Variants in FGF14 observed in about 807,000 individuals in gnomAD.
FGF14 encodes fibroblast growth factor 14.
A neutral mutation model predicts 25.5 loss-of-function variants in FGF14; 5 were observed. The ratio of observed to expected loss-of-function variants is 0.20; its 90% CI spans 0.10 to 0.41. FGF14 has a LOEUF of 0.41. FGF14 is among the 10% of genes least tolerant of loss of function. The pLI, the probability that FGF14 is intolerant of heterozygous loss-of-function variation, is 1.00. For missense variants in FGF14, 222 were observed against 320.1 expected, an observed-to-expected ratio of 0.69 and a Z score of 2.34; for synonymous variants, 138 against 118.3, an observed-to-expected ratio of 1.17 and a Z score of -1.08.
rs1296514573 is a variant in FGF14, at chr13:101,718,218, TTGTGTGTATGTGTGTGTTTG to T, written c.*4593_*4612del. 1 of 152,056 alleles carries T rather than the reference TTGTGTGTATGTGTGTGTTTG, an allele frequency of 6.6e-6. No homozygotes were observed. The highest frequency in any genetic ancestry group is 1.5e-5 in the Non-Finnish European group (1 of 67,980). 9.4% of individuals were successfully genotyped at this position (152,056 alleles called of 1,614,324 possible). ...TTTTACTTATTTCTGTCCACTATGTTTGTGTGTATGTGTGTGTTTGTGTGTGTATGTGTGGTTTTGATGCC... is the reference window on the plus strand; with the variant it reads ...TTTTACTTATTTCTGTCCACTATGTTTGTGTGTATGTGTGGTTTTGATGCC... On this transcript the variant is annotated 3_prime_UTR_variant, in exon 5 of 5. Transcript: ENST00000376143.
chr13:101,802,126 G>A (rs967477634), intron 3 of FGF14: 16 of 242,648 alleles, frequency 6.6e-5, no homozygotes, highest in Admixed American at 4.1e-4. Context: ...AGCTCAGGGA[G>A]GCGAGAAGAT....
intron 1 of FGF14, among the ~76,000 whole-genome samples, chr13:102,144,382 A>G (rs547496150): frequency 2.0e-4 from 31 of 152,296 alleles, no homozygotes; most frequent in African/African-American, 7.0e-4. Context: ...AAAAGAAATA[A>G]ATGGAAGTAC....
intron 1 of FGF14, among the ~76,000 whole-genome samples, chr13:102,121,625 A>T (rs966745793): frequency 3.9e-5 from 6 of 152,206 alleles, no homozygotes; most frequent in Admixed American, 2.6e-4. Context: ...ATGTTTACTT[A>T]TATTAATTTA....
At chr13:102,394,268 G>A (rs986773930) in intron 1 of FGF14, 2 of 152,428 alleles carry the variant, frequency 1.3e-5, no homozygotes, top group African/African-American at 4.8e-5. Flanking sequence ...AGACCGGGAG[G>A]GCCAAGGCAG....
chr13:102,221,623 AAC>A (rs34205303), intron 1 of FGF14, among the ~76,000 whole-genome samples: 48,822 of 149,946 alleles, frequency 0.33, 8,336 homozygotes, highest in African/African-American at 0.44. Flanking sequence ...CAAACACACA[AAC>A]ACACACACAC....
At chr13:102,141,344 T>C (rs2046635499) in intron 1 of FGF14, among the ~76,000 whole-genome samples, 1 of 152,216 alleles carries the variant, frequency 6.6e-6, no homozygotes, top group African/African-American at 2.4e-5. Context: ...GGGCCTTTTC[T>C]ATGAGGGTCA....
intron 1 of FGF14, among the ~76,000 whole-genome samples, chr13:102,081,450 T>C (rs1595203627): frequency 6.6e-6 from 1 of 152,220 alleles, no homozygotes; most frequent in Non-Finnish European, 1.5e-5. Context: ...GCCTTTACTC[T>C]GGTTGTGATG....
chr13:102,334,105 T>C (rs958769084), intron 1 of FGF14, among the ~76,000 whole-genome samples: 2 of 152,170 alleles, frequency 1.3e-5, no homozygotes, highest in Admixed American at 6.5e-5. Flanking sequence ...TTCAGCCCCA[T>C]TAATGAGCCA....
chr13:101,953,249 T>C (rs1262201867), intron 1 of FGF14, among the ~76,000 whole-genome samples: 2 of 152,210 alleles, frequency 1.3e-5, no homozygotes, highest in African/African-American at 4.8e-5. Flanking sequence ...GGTTCATCTG[T>C]GCACCAACGG....
intron 2 of FGF14, 34 bp from the exon 3 acceptor site, chr13:101,868,862 C>G: frequency 7.5e-7 from 1 of 1,325,374 alleles, no homozygotes; most frequent in Non-Finnish European, 1.1e-6. Context: ...CATGAATGGG[C>G]AGGAAGAAGC....
At chr13:102,281,690 C>CT (rs539883822) in intron 1 of FGF14, among the ~76,000 whole-genome samples, 300 of 135,060 alleles carry the variant, frequency 2.2e-3, no homozygotes, top group Middle Eastern at 3.8e-3. Context: ...ATCCTAACTT[C>CT]TTTTTTTTTT....
chr13:101,909,813 T>C (rs1284761760), intron 1 of FGF14, among the ~76,000 whole-genome samples: 1 of 152,154 alleles, frequency 6.6e-6, no homozygotes, highest in Non-Finnish European at 1.5e-5. Flanking sequence ...TGCGGCACTA[T>C]TCACAATAGC....
intron 1 of FGF14, among the ~76,000 whole-genome samples, chr13:102,138,603 G>C (rs2046506505): frequency 6.8e-6 from 1 of 146,540 alleles, no homozygotes; most frequent in South Asian, 2.3e-4. Flanking sequence ...ACACAGGAGT[G>C]GCCCACAGGG....
At chr13:101,963,909 G>A (rs1028187251) in intron 1 of FGF14, among the ~76,000 whole-genome samples, 2 of 152,216 alleles carry the variant, frequency 1.3e-5, no homozygotes, top group African/African-American at 2.4e-5. Context: ...GGAAAACAGT[G>A]TAATGTACTC....
intron 1 of FGF14, among the ~76,000 whole-genome samples, chr13:102,352,242 TACACACACACACACACACAC>T (rs56774921): frequency 3.9e-4 from 53 of 137,362 alleles, no homozygotes; most frequent in Middle Eastern, 3.6e-3. Context: ...TGTACCTTTA[TACACACACACACACACACAC>T]ACACACACAC....
chr13:102,118,998 T>C (rs1245700387), intron 1 of FGF14, among the ~76,000 whole-genome samples: 2 of 152,136 alleles, frequency 1.3e-5, no homozygotes, highest in Non-Finnish European at 2.9e-5. Flanking sequence ...CAACCCCTAA[T>C]GAATTCAGTA....
At chr13:102,286,903 T>C (rs908125900) in intron 1 of FGF14, among the ~76,000 whole-genome samples, 6 of 152,080 alleles carry the variant, frequency 3.9e-5, no homozygotes, top group Non-Finnish European at 8.8e-5. Flanking sequence ...TGAGAATACA[T>C]TGCATCCCTG....
At chr13:102,163,920 T>C (rs770794602) in intron 1 of FGF14, among the ~76,000 whole-genome samples, 22 of 152,064 alleles carry the variant, frequency 1.4e-4, no homozygotes, top group Admixed American at 3.9e-4. Context: ...ATTCCAGACA[T>C]GAAAAAGAAA....
At chr13:102,024,936 C>T (rs2094169) in intron 1 of FGF14, among the ~76,000 whole-genome samples, 77,325 of 150,920 alleles carry the variant, frequency 0.51, 23,415 homozygotes, top group African/African-American at 0.83. Context: ...TTCAGTTTTA[C>T]TGGTGTATAT....
Sources: gnomAD v4.1 joint callset for allele counts (sites outside exome capture counted in the v4.1 genomes callset) on GRCh38, gnomAD v4.1.1 for gene constraint, MANE v1.5 for transcripts, NCBI Gene and HGNC (gene_info 2026-07-23, HGNC 2026-07-21) for gene names.